The following PDZD2 variants were observed in gnomAD, a reference collection of about 807,000 sequenced individuals.
PDZD2 encodes PDZ domain containing 2, also known as PDZ domain-containing protein 2.
A neutral mutation model predicts 220.7 loss-of-function variants in PDZD2; 90 were observed. That is an observed-to-expected ratio of 0.41 (90% CI 0.34 to 0.49). The LOEUF (loss-of-function observed/expected upper bound fraction) is 0.49. Ranked by LOEUF, PDZD2 falls within the 20% of genes least tolerant of loss-of-function variation. The pLI, the probability that PDZD2 is intolerant of heterozygous loss-of-function variation, is 0.28. For missense variants in PDZD2, 3,174 were observed against 3,608.5 expected (o/e 0.88, Z 3.08); for synonymous variants, 1,375 against 1,450.5 (o/e 0.95, Z 1.18).
chr5:31,852,443 G>A lies in PDZD2; in HGVS notation c.476+52719G>A, dbSNP rs868360821. On this transcript the variant is annotated intron_variant, in intron 2 of 24. Transcript: ENST00000438447. ...TGGGACCACAGGCGCGTGCCATCACGCCTGGCTGATTTTTGTATTTTTAAT... is the reference window on the plus strand; with the variant it reads ...TGGGACCACAGGCGCGTGCCATCACACCTGGCTGATTTTTGTATTTTTAAT... 2.6e-5 allele frequency among the ~76,000 whole-genome samples: 4 copies of A among 151,338 alleles called. No homozygotes were observed. In the South Asian group the frequency reaches 8.4e-4, roughly 32 times the overall value.
At chr5:32,091,282 T>A in intron 20 of PDZD2, 107 bp downstream of exon 20, 8 of 498,826 alleles carry the variant, frequency 1.6e-5, no homozygotes, top group Non-Finnish European at 2.4e-5. Context: ...CCACTTACTT[T>A]TTTTTTTTTT....
intron 1 of PDZD2, among the ~76,000 whole-genome samples, chr5:31,739,892 G>T (rs1043566417): frequency 6.6e-6 from 1 of 152,180 alleles, no homozygotes; most frequent in African/African-American, 2.4e-5. Context: ...TTGTGGTGAT[G>T]AAGGACTCTG....
chr5:31,949,765 C>T (rs1442616626), intron 2 of PDZD2, among the ~76,000 whole-genome samples: 4 of 151,440 alleles, frequency 2.6e-5, no homozygotes, highest in South Asian at 2.1e-4. Flanking sequence ...CTCTGCCTCC[C>T]GGGTTCAAGC....
At chr5:32,077,708 G>GAGTGCTGGGATTA in intron 19 of PDZD2, 102 bp downstream of exon 19, 1 of 1,260,010 alleles carries the variant, frequency 7.9e-7, no homozygotes, top group Non-Finnish European at 1.1e-6. Flanking sequence ...TGTAATCCCA[G>GAGTGCTGGGATTA]CACTCTGGGA....
rs35706067 is a variant in PDZD2, at chr5:31,873,444, G to GAA, written c.476+73731_476+73732dup. 1.2e-3 allele frequency among the ~76,000 whole-genome samples: 166 copies of GAA among 144,068 alleles called. 1 individual carries two copies. Among genetic ancestry groups the GAA allele is most frequent in the African/African-American group, 3.6e-3 (142 of 39,392 alleles). 94.5% of individuals were successfully genotyped at this position (144,068 alleles called of 152,430 possible). On this transcript the variant is annotated intron_variant, in intron 2 of 24. Coordinates refer to ENST00000438447, the MANE Select transcript of PDZD2 (RefSeq NM_178140.4). ...AGAGTGAAGCCTTGTCTCACCAAAA[G>GAA]AAAAAAAAAAAATTGGTTCACAGCT...
chr5:32,045,262 C>CA (rs1420791865), intron 7 of PDZD2, among the ~76,000 whole-genome samples: 6 of 152,294 alleles, frequency 3.9e-5, no homozygotes, highest in Non-Finnish European at 8.8e-5. Flanking sequence ...AGACTGGCTC[C>CA]AAAATGGCTA....
chr5:31,667,625 C>G (rs566103993), intron 1 of PDZD2, among the ~76,000 whole-genome samples: 2 of 152,062 alleles, frequency 1.3e-5, no homozygotes, highest in East Asian at 3.9e-4. Flanking sequence ...TGCAAGGGCC[C>G]TGAGCAGGGA....
At chr5:31,988,440 G>GT (rs924031129) in intron 3 of PDZD2, among the ~76,000 whole-genome samples, 14 of 96,158 alleles carry the variant, frequency 1.5e-4, no homozygotes, top group African/African-American at 3.5e-4. Flanking sequence ...GGAGATGGGG[G>GT]TGGGGGGGGT....
At chr5:31,867,832 G>A (rs934104814) in intron 2 of PDZD2, among the ~76,000 whole-genome samples, 3 of 138,590 alleles carry the variant, frequency 2.2e-5, no homozygotes, top group Non-Finnish European at 4.6e-5. Flanking sequence ...ATCCCTACCC[G>A]TAACTATCAG....
intron 14 of PDZD2, among the ~76,000 whole-genome samples, chr5:32,061,527 C>A (rs371098085): frequency 2.5e-4 from 38 of 151,992 alleles, no homozygotes; most frequent in African/African-American, 9.2e-4. Flanking sequence ...TTTTGTTGGG[C>A]CATATGTTGG....
At chr5:31,704,872 G>T (rs965057662) in intron 1 of PDZD2, among the ~76,000 whole-genome samples, 2 of 152,094 alleles carry the variant, frequency 1.3e-5, no homozygotes, top group African/African-American at 4.8e-5. Flanking sequence ...TGCAAATTAC[G>T]AATATTGGCT....
At chr5:32,053,412 A>T (rs186789076) in intron 9 of PDZD2, among the ~76,000 whole-genome samples, 1 of 152,276 alleles carries the variant, frequency 6.6e-6, no homozygotes, top group Non-Finnish European at 1.5e-5. Flanking sequence ...TGGCACCTGC[A>T]TGTAAGTGGG....
At chr5:32,027,540 G>A (rs145636747) in intron 6 of PDZD2, among the ~76,000 whole-genome samples, 5 of 152,108 alleles carry the variant, frequency 3.3e-5, no homozygotes, top group Non-Finnish European at 4.4e-5. Flanking sequence ...CATCAGTTGC[G>A]GCTCCCCCCA....
At chr5:31,845,507 G>C (rs1386712090) in intron 2 of PDZD2, among the ~76,000 whole-genome samples, 1 of 152,230 alleles carries the variant, frequency 6.6e-6, no homozygotes, top group Non-Finnish European at 1.5e-5. Flanking sequence ...AGAAGAGAGA[G>C]CTAACAGTGG....
At chr5:32,072,061 G>A in intron 16 of PDZD2, 100 bp from the exon 17 acceptor site, 2 of 814,240 alleles carry the variant, frequency 2.5e-6, no homozygotes, top group Admixed American at 4.6e-5. Context: ...AGTGACCGTT[G>A]ATTAGAACGA....
intron 2 of PDZD2, among the ~76,000 whole-genome samples, chr5:31,954,636 C>G (rs1419183724): frequency 1.3e-5 from 2 of 152,054 alleles, no homozygotes; most frequent in Non-Finnish European, 2.9e-5. Flanking sequence ...CCCATAAAAA[C>G]CACTAAGAGG....
At chr5:32,104,718 A>G (rs1232096834) in intron 24 of PDZD2, among the ~76,000 whole-genome samples, 1 of 63,130 alleles carries the variant, frequency 1.6e-5, no homozygotes, top group African/African-American at 1.0e-4. Context: ...GCTCCATCTA[A>G]AAAAAAAAAA....
chr5:31,872,142 G>GGTGTGTGTGTGTGTGTGTGTGT (rs55806241), intron 2 of PDZD2, among the ~76,000 whole-genome samples: 105 of 147,776 alleles, frequency 7.1e-4, no homozygotes, highest in South Asian at 2.7e-3. Flanking sequence ...TAAGGTGAGT[G>GGTGTGTGTGTGTGTGTGTGTGT]GTGTGTGTGT....
intron 4 of PDZD2, 68 bp downstream of exon 4, chr5:31,995,786 G>A: frequency 1.4e-6 from 2 of 1,395,136 alleles, no homozygotes; most frequent in South Asian, 1.2e-5. Flanking sequence ...CTCCCCACTG[G>A]TGCAGGTGCT....
Sources: allele counts gnomAD v4.1 joint callset (sites outside exome capture counted in the v4.1 genomes callset), GRCh38; gene constraint gnomAD v4.1.1; transcripts MANE v1.5; gene names NCBI Gene and HGNC (gene_info 2026-07-23, HGNC 2026-07-21).